The following C19orf47 variants were observed in gnomAD, a reference collection of about 807,000 sequenced individuals.
C19orf47 encodes the protein uncharacterized protein C19orf47.
A neutral mutation model predicts 32.3 loss-of-function variants in C19orf47; 18 were observed. The observed-to-expected ratio is 0.56, with a 90% CI of 0.39 to 0.83. The LOEUF is 0.83. Among genes scored for constraint, C19orf47 ranks in the 40% least tolerant of loss-of-function variants. The probability of loss-of-function intolerance (pLI) is 0.00; values close to 1 mark genes in which losing one functional copy is unlikely to be tolerated. For synonymous variants in C19orf47, 202 were observed against 211.1 expected (o/e 0.96, Z 0.37); for missense variants, 484 against 531.6 (o/e 0.91, Z 0.88).
the C19orf47 span, among the ~76,000 whole-genome samples, chr19:40,310,642 T>C: frequency 6.6e-6 from 1 of 152,240 alleles, no homozygotes; most frequent in East Asian, 1.9e-4. Context: ...TAGAGCTGTT[T>C]TTCTAAAAGC....
At chr19:40,343,072 C>T (rs953567826) in intron 1 of C19orf47, among the ~76,000 whole-genome samples, 3 of 152,128 alleles carry the variant, frequency 2.0e-5, no homozygotes, top group Non-Finnish European at 2.9e-5. Context: ...GCTGATTCAA[C>T]GCTATGCGAC....
downstream of C19orf47, among the ~76,000 whole-genome samples, chr19:40,317,403 G>C (rs1388866616): frequency 6.6e-6 from 1 of 152,032 alleles, no homozygotes; most frequent in East Asian, 1.9e-4. Context: ...AGACCAGCCT[G>C]GGCAACATAG....
chr19:40,332,729 C>T (rs2077980235), intron 5 of C19orf47: 1 of 152,112 alleles, frequency 6.6e-6, no homozygotes, highest in Non-Finnish European at 1.5e-5. Flanking sequence ...CTTGCCTACT[C>T]ATTCAAATGT....
chr19:40,297,838 C>A, the C19orf47 span, among the ~76,000 whole-genome samples: 2 of 144,750 alleles, frequency 1.4e-5, no homozygotes, highest in Non-Finnish European at 3.0e-5. Flanking sequence ...CGTGCCACTG[C>A]ATTCCAGGCC....
the C19orf47 span, among the ~76,000 whole-genome samples, chr19:40,314,054 G>T: frequency 6.6e-6 from 1 of 152,168 alleles, no homozygotes; most frequent in African/African-American, 2.4e-5. Context: ...TTGGAAAAAT[G>T]GTTGGCTCCA....
chr19:40,294,842 G>A, the C19orf47 span, among the ~76,000 whole-genome samples: 3 of 152,194 alleles, frequency 2.0e-5, no homozygotes, highest in Non-Finnish European at 2.9e-5. Flanking sequence ...GGAGAGTTTG[G>A]TCCCAATAAC....
rs1292856118 is a variant in C19orf47 at position 40,328,437 on chromosome 19, C to T, written c.415G>A (p.Ala139Thr). Reference sequence around the variant, plus strand: ...CCAGTGGCCTTGGCACTCTTTGCTGCCATCTTGTTGGACACAGTGACCGAG... The same window carrying T: ...CCAGTGGCCTTGGCACTCTTTGCTGTCATCTTGTTGGACACAGTGACCGAG... ...KISVTVSNKM[A>T]AKSAKATAAL... Residue 139 changes from alanine to threonine, a missense_variant, in exon 6 of 9, where the codon GCA becomes ACA. Physicochemically the swap from Ala to Thr is moderately conservative, Grantham distance 58 (BLOSUM62 0). Around this residue, in one of 3 missense-constraint regions of C19orf47, gnomAD observed 376 missense variants for 370.2 expected, o/e 1.02. Coordinates refer to ENST00000683109, the MANE Select transcript of C19orf47 (RefSeq NM_001256441.2). 1 of 1,612,876 alleles carries T rather than the reference C, an allele frequency of 6.2e-7. No homozygotes were observed.
At chr19:40,331,861 A>G (rs1438314385) in intron 5 of C19orf47, among the ~76,000 whole-genome samples, 2 of 151,840 alleles carry the variant, frequency 1.3e-5, no homozygotes, top group Non-Finnish European at 2.9e-5. Flanking sequence ...ACATGGTAAA[A>G]CCTCATCTCT....
the C19orf47 span, among the ~76,000 whole-genome samples, chr19:40,297,735 G>T: frequency 6.7e-6 from 1 of 149,496 alleles, no homozygotes; most frequent in East Asian, 2.0e-4. Flanking sequence ...TTAGCTGGGC[G>T]TGGTGGCGGG....
chr19:40,322,791 A>G (rs1023887106), intron 8 of C19orf47, among the ~76,000 whole-genome samples: 1 of 152,238 alleles, frequency 6.6e-6, no homozygotes, highest in Non-Finnish European at 1.5e-5. Flanking sequence ...CGGCAGTGCT[A>G]GGGACACAGT....
chr19:40,310,887 T>C, the C19orf47 span, among the ~76,000 whole-genome samples: 1 of 152,128 alleles, frequency 6.6e-6, no homozygotes, highest in East Asian at 1.9e-4. Context: ...AAATAAGAGA[T>C]GCCCAAAAAT....
chr19:40,336,006 C>G, intron 4 of C19orf47, 104 bp downstream of exon 4: 1 of 967,008 alleles, frequency 1.0e-6, no homozygotes, highest in South Asian at 1.5e-5. Context: ...AGCCCTGGAA[C>G]CTGGGTCGGC....
chr19:40,339,308 C>T (rs528344035), intron 2 of C19orf47: 1 of 152,274 alleles, frequency 6.6e-6, no homozygotes, highest in African/African-American at 2.4e-5. Context: ...AAGGCACTGG[C>T]TGTAAGATAT....
intron 3 of C19orf47, 30 bp from the exon 4 acceptor site, chr19:40,336,254 A>AGGTGGGCCAGAGTG: frequency 1.2e-6 from 2 of 1,613,512 alleles, no homozygotes; most frequent in South Asian, 1.1e-5. Context: ...GTGAGGCCCC[A>AGGTGGGCCAGAGTG]GGTGGGCCAG....
the C19orf47 span, among the ~76,000 whole-genome samples, chr19:40,294,130 G>A: frequency 6.6e-6 from 1 of 152,032 alleles, no homozygotes; most frequent in East Asian, 2.0e-4. Context: ...CAAAAAAAAC[G>A]GGTAGCGGGA....
chr19:40,308,926 C>T, the C19orf47 span, among the ~76,000 whole-genome samples: 2 of 152,010 alleles, frequency 1.3e-5, no homozygotes, highest in African/African-American at 2.4e-5. Flanking sequence ...AAAAATTAGC[C>T]GGGCATGTGC....
chr19:40,313,130 C>G, the C19orf47 span, among the ~76,000 whole-genome samples: 23 of 152,272 alleles, frequency 1.5e-4, no homozygotes, highest in Admixed American at 1.4e-3. Flanking sequence ...ATGGTTGGTA[C>G]CAGCTTACAT....
intron 8 of C19orf47, among the ~76,000 whole-genome samples, chr19:40,323,161 G>A (rs2145515237): frequency 1.3e-5 from 2 of 152,328 alleles, no homozygotes; most frequent in South Asian, 2.1e-4. Flanking sequence ...TCCTCCTCAT[G>A]GTAAGATTCT....
the C19orf47 span, among the ~76,000 whole-genome samples, chr19:40,296,485 T>C: frequency 1.3e-5 from 2 of 151,740 alleles, no homozygotes; most frequent in African/African-American, 4.8e-5. Context: ...TTTCGCCACA[T>C]TGACCAGGCT....
Sources: allele counts gnomAD v4.1 joint callset (sites outside exome capture counted in the v4.1 genomes callset), GRCh38; gene constraint gnomAD v4.1.1; regional missense constraint gnomAD v4.1.1; transcripts MANE v1.5; gene names NCBI Gene and HGNC (gene_info 2026-07-23, HGNC 2026-07-21).